Variants in TTC7A observed in about 807,000 individuals in gnomAD.
TTC7A encodes the protein tetratricopeptide repeat domain 7A, also known as tetratricopeptide repeat protein 7A.
A neutral mutation model predicts 103.7 loss-of-function variants in TTC7A; 110 were observed. The observed-to-expected ratio is 1.06, with a 90% CI of 0.91 to 1.24. TTC7A has a LOEUF of 1.24. TTC7A is among the 50% of genes most tolerant of loss of function. The pLI is 0.00. For synonymous variants in TTC7A, 521 were observed against 467.9 expected, an observed-to-expected ratio of 1.11 and a Z score of -1.47; for missense variants, 1,340 against 1,116.3, an observed-to-expected ratio of 1.20 and a Z score of -2.86.
In TTC7A at chr2:47,020,886, G is replaced by A. The variant is rs376088304; in HGVS notation, c.1393-976G>A. On this transcript the variant is annotated intron_variant, in intron 11 of 19. Transcript: ENST00000319190. ...GAGCAGGGATGGGGGCCGGGCAGGG[G>A]CAGCACTGGCTTTGGGGCTAGAAGC... Among the ~76,000 whole-genome samples, 14 of 152,346 alleles carry A rather than the reference G, an allele frequency of 9.2e-5. No homozygotes were observed. In the South Asian group the frequency reaches 2.9e-3, roughly 32 times the overall value.
At chr2:46,977,227 A>AC (rs1673968162) in intron 4 of TTC7A, among the ~76,000 whole-genome samples, 1 of 152,084 alleles carries the variant, frequency 6.6e-6, no homozygotes, top group Admixed American at 6.5e-5. Context: ...GACAAATGGG[A>AC]CCCTATAGTT....
upstream of TTC7A, chr2:46,916,036 AG>A: frequency 1.1e-5 from 11 of 985,386 alleles, no homozygotes; most frequent in Non-Finnish European, 1.3e-5. Context: ...TGGACGCCCT[AG>A]GGGCCCGGCA....
intron 15 of TTC7A, among the ~76,000 whole-genome samples, chr2:47,038,543 A>C (rs1681384783): frequency 6.6e-6 from 1 of 152,202 alleles, no homozygotes. Context: ...AAAACAGCTC[A>C]GCACAGCCAT....
At chr2:46,975,146 A>C (rs1171807566) in intron 4 of TTC7A, 43 bp downstream of exon 4, 6 of 1,608,580 alleles carry the variant, frequency 3.7e-6, no homozygotes, top group Non-Finnish European at 5.1e-6. Context: ...CTCTCTATTG[A>C]GCACCTATGT....
At chr2:46,986,181 T>C (rs1330492151) in intron 5 of TTC7A, among the ~76,000 whole-genome samples, 5 of 152,202 alleles carry the variant, frequency 3.3e-5, no homozygotes, top group Admixed American at 6.5e-5. Flanking sequence ...GAATGGTCTG[T>C]TAAAGGGCTG....
At chr2:46,958,527 C>T (rs747689235) in intron 3 of TTC7A, 131 of 1,304,118 alleles carry the variant, frequency 1.0e-4, no homozygotes, top group African/African-American at 1.7e-4. Flanking sequence ...AACACAGTCC[C>T]GGTGGTCAGA....
At chr2:47,014,617 G>T (rs976972506) in intron 11 of TTC7A, among the ~76,000 whole-genome samples, 1 of 152,190 alleles carries the variant, frequency 6.6e-6, no homozygotes, top group Non-Finnish European at 1.5e-5. Flanking sequence ...TGGCAGGCAG[G>T]GGGTGTTCGT....
At chr2:46,972,905 T>C (rs977770839) in intron 3 of TTC7A, among the ~76,000 whole-genome samples, 1 of 152,118 alleles carries the variant, frequency 6.6e-6, no homozygotes, top group African/African-American at 2.4e-5. Flanking sequence ...CAAAATATAG[T>C]GTAGAAAGTG....
intron 19 of TTC7A, among the ~76,000 whole-genome samples, chr2:47,063,464 T>C (rs1248310516): frequency 6.6e-6 from 1 of 152,216 alleles, no homozygotes; most frequent in East Asian, 1.9e-4. Context: ...TGAAACAACA[T>C]GATAGGAACT....
chr2:46,937,271 C>G (rs1280363825), upstream of TTC7A, among the ~76,000 whole-genome samples: 1 of 152,104 alleles, frequency 6.6e-6, no homozygotes, highest in Non-Finnish European at 1.5e-5. This position sits in a 1 kb window ranked among gnomAD's most constrained non-coding sequence, Gnocchi z 4.0. Flanking sequence ...CCTGCTATTT[C>G]TTTTCCCCTA....
intron 3 of TTC7A, among the ~76,000 whole-genome samples, chr2:46,962,537 G>T (rs1672476330): frequency 1.3e-5 from 2 of 152,226 alleles, no homozygotes; most frequent in Admixed American, 1.3e-4. Flanking sequence ...TCCTTTGAGG[G>T]AGTGGCAGGT....
chr2:47,050,371 T>C (rs888897640), intron 17 of TTC7A: 7 of 317,604 alleles, frequency 2.2e-5, no homozygotes, highest in Non-Finnish European at 3.6e-5. Flanking sequence ...CCACGTAATG[T>C]CCTTGGCAGA....
chr2:46,930,852 A>G (rs1669664996), intron 2 of TTC7A, among the ~76,000 whole-genome samples: 1 of 152,192 alleles, frequency 6.6e-6, no homozygotes, highest in African/African-American at 2.4e-5. Context: ...AAACCTTCCC[A>G]TAAATAGCTG....
At chr2:47,070,436 C>CT (rs1684581892) in intron 19 of TTC7A, among the ~76,000 whole-genome samples, 1 of 152,244 alleles carries the variant, frequency 6.6e-6, no homozygotes, top group Non-Finnish European at 1.5e-5. Flanking sequence ...TTCCCTGGCT[C>CT]TGCATTTGGG....
intron 11 of TTC7A, among the ~76,000 whole-genome samples, chr2:47,016,019 A>G (rs569092230): frequency 6.6e-6 from 1 of 152,342 alleles, no homozygotes; most frequent in Admixed American, 6.5e-5. Flanking sequence ...GTTCCCAGAA[A>G]GAGAGGAACG....
intron 8 of TTC7A, among the ~76,000 whole-genome samples, chr2:47,004,187 C>T (rs1677138117): frequency 6.6e-6 from 1 of 152,208 alleles, no homozygotes; most frequent in African/African-American, 2.4e-5. Flanking sequence ...GGGGCATGGG[C>T]AGCACTCACC....
chr2:47,067,032 C>G (rs967864704), intron 19 of TTC7A, among the ~76,000 whole-genome samples: 1 of 152,130 alleles, frequency 6.6e-6, no homozygotes, highest in Non-Finnish European at 1.5e-5. Context: ...AAGGGGAAGC[C>G]GAACTCATCC....
At chr2:47,031,954 C>T (rs889480621) in intron 15 of TTC7A, among the ~76,000 whole-genome samples, 3 of 152,336 alleles carry the variant, frequency 2.0e-5, no homozygotes, top group East Asian at 1.9e-4. Flanking sequence ...GTGCCTCCTG[C>T]GTTCATCTTC....
chr2:46,961,643 G>T (rs1003247816), intron 3 of TTC7A, among the ~76,000 whole-genome samples: 1 of 151,696 alleles, frequency 6.6e-6, no homozygotes, highest in Non-Finnish European at 1.5e-5. Context: ...GGTGGCTCAT[G>T]CCTGTAATCC....
Sources: gnomAD v4.1 joint callset for allele counts (sites outside exome capture counted in the v4.1 genomes callset) on GRCh38, gnomAD v4.1.1 for gene constraint, Gnocchi (gnomAD v3.1) non-coding constraint, MANE v1.5 for transcripts, NCBI Gene and HGNC (gene_info 2026-07-23, HGNC 2026-07-21) for gene names.